The following KCNIP1 variants were observed in gnomAD, a reference collection of about 807,000 sequenced individuals.
KCNIP1 encodes the protein potassium voltage-gated channel interacting protein 1, also known as A-type potassium channel modulatory protein KCNIP1.
In KCNIP1, 18 loss-of-function variants were observed where a neutral mutation model predicts 33.0. The observed-to-expected ratio is 0.55, with a 90% CI of 0.38 to 0.81. KCNIP1 has a LOEUF of 0.81. KCNIP1 is among the 30% of genes least tolerant of loss of function. KCNIP1 has a pLI of 0.00. For missense variants in KCNIP1, 238 were observed against 271.6 expected, an observed-to-expected ratio of 0.88 and a Z score of 0.87; for synonymous variants, 93 against 98.3, an observed-to-expected ratio of 0.95 and a Z score of 0.32.
chr5:170,706,855 C>A (rs1055239659), intron 1 of KCNIP1, among the ~76,000 whole-genome samples: 2 of 152,096 alleles, frequency 1.3e-5, no homozygotes, highest in Admixed American at 1.3e-4. Flanking sequence ...AAATCCCACC[C>A]GTGTTAATCC....
At chr5:170,542,490 A>G (rs1216525835) in intron 1 of KCNIP1, among the ~76,000 whole-genome samples, 7 of 152,220 alleles carry the variant, frequency 4.6e-5, no homozygotes, top group Non-Finnish European at 1.0e-4. Flanking sequence ...TCAACCCTGC[A>G]TGGAAAAGAA....
At chr5:170,642,600 T>C (rs983309844) in intron 1 of KCNIP1, among the ~76,000 whole-genome samples, 10 of 152,146 alleles carry the variant, frequency 6.6e-5, no homozygotes, top group Admixed American at 3.9e-4. Flanking sequence ...CCATGCCCCA[T>C]AGCCGGGAGT....
intron 1 of KCNIP1, among the ~76,000 whole-genome samples, chr5:170,600,223 G>A (rs769487748): frequency 2.0e-5 from 3 of 148,932 alleles, no homozygotes; most frequent in South Asian, 2.1e-4. Context: ...TACTTAAGTC[G>A]ACCAGCCCTG....
intron 1 of KCNIP1, among the ~76,000 whole-genome samples, chr5:170,411,185 T>C (rs1328187523): frequency 1.3e-5 from 2 of 152,230 alleles, no homozygotes; most frequent in Admixed American, 1.3e-4. Flanking sequence ...TGCATGGACC[T>C]GGCCAGGTGC....
At chr5:170,474,826 G>T (rs1235800299) in intron 1 of KCNIP1, among the ~76,000 whole-genome samples, 3 of 152,174 alleles carry the variant, frequency 2.0e-5, no homozygotes, top group Admixed American at 2.0e-4. Flanking sequence ...CTCAAAGGTG[G>T]CAAGGACCCA....
intron 1 of KCNIP1, among the ~76,000 whole-genome samples, chr5:170,660,694 C>G (rs1761450268): frequency 6.6e-6 from 1 of 152,234 alleles, no homozygotes; most frequent in Admixed American, 6.5e-5. Context: ...CCCCCAGAGT[C>G]CCACCAAGGT....
At chr5:170,502,271 C>T (rs115976671), upstream of KCNIP1, among the ~76,000 whole-genome samples, 1 of 152,300 alleles carries the variant, frequency 6.6e-6, no homozygotes, top group Non-Finnish European at 1.5e-5. Context: ...AGTGCCCCTC[C>T]CCTGTTGCAC....
chr5:170,569,058 T>C (rs1757303698), intron 1 of KCNIP1, among the ~76,000 whole-genome samples: 1 of 152,148 alleles, frequency 6.6e-6, no homozygotes, highest in Non-Finnish European at 1.5e-5. Context: ...GGCTTTGGTG[T>C]CTCTCTTCCC....
Position 170,504,020 on chromosome 5 carries a change from G to A in KCNIP1, c.-553G>A. 6.2e-6 allele frequency: 6 copies of A among 967,188 alleles called. No individual in the cohort carries two copies. Among genetic ancestry groups the A allele is most frequent in the East Asian group, 1.2e-4 (1 of 8,636 alleles). The allele number at this position is 967,188 out of a possible 1,614,324, so 59.9% of individuals were successfully genotyped here. The stretch of plus-strand genomic sequence containing the variant: ...CCTCCGCCGCCCCCTCCGCCGCTCC[G>A]ACTCTCGCCCCGAGCGCTGGCAGCA... On this transcript the variant is annotated 5_prime_UTR_variant, in exon 1 of 8. Coordinates refer to ENST00000328939, the MANE Select transcript of KCNIP1 (RefSeq NM_014592.4). This position sits in a 1 kb window ranked among gnomAD's most constrained non-coding sequence, Gnocchi z 6.0.
chr5:170,462,853 G>A (rs1756535382), intron 1 of KCNIP1, among the ~76,000 whole-genome samples: 1 of 152,172 alleles, frequency 6.6e-6, no homozygotes, highest in African/African-American at 2.4e-5. Flanking sequence ...ATTATTCTAA[G>A]TGAAGTAACT....
chr5:170,545,149 G>A (rs2113392819), intron 1 of KCNIP1, among the ~76,000 whole-genome samples: 1 of 152,236 alleles, frequency 6.6e-6, no homozygotes, highest in East Asian at 1.9e-4. Context: ...TTTTTGCTGT[G>A]TATATAACAC....
At chr5:170,498,756 A>G (rs1757356691) in intron 1 of KCNIP1, among the ~76,000 whole-genome samples, 1 of 152,240 alleles carries the variant, frequency 6.6e-6, no homozygotes, top group Non-Finnish European at 1.5e-5. Context: ...GGACATTTGC[A>G]GAGTGCTCTA....
chr5:170,597,789 ATAT>A (rs1561708572), intron 1 of KCNIP1, among the ~76,000 whole-genome samples: 23 of 2,278 alleles, frequency 0.01, no homozygotes, highest in African/African-American at 0.012. Context: ...AGATAAATAT[ATAT>A]ATATATATAT....
rs112300478 is a variant in KCNIP1 at position 170,706,212 on chromosome 5, G to T, written c.62-12546G>T. Among the ~76,000 whole-genome samples the T allele has an allele frequency of 9.5e-3, 1,444 of 152,344 alleles. 13 individuals carry two copies. The highest frequency in any genetic ancestry group is 0.016 in the Non-Finnish European group (1,067 of 68,034). On this transcript the variant is annotated intron_variant, in intron 1 of 7. Coordinates refer to ENST00000328939, the MANE Select transcript of KCNIP1 (RefSeq NM_014592.4). ...TGTTCACACGAACAACAAAGAAGGG[G>T]TTTATTAGTGTGGATTACAGGGCCT... is the stretch of plus-strand genomic sequence containing the variant.
At chr5:170,503,205 C>A (rs1490162501), upstream of KCNIP1, among the ~76,000 whole-genome samples, 1 of 152,048 alleles carries the variant, frequency 6.6e-6, no homozygotes, top group African/African-American at 2.4e-5. Flanking sequence ...GCCAGCCCAA[C>A]ATGGCGAAAC....
chr5:170,390,534 A>ATT (rs1486235751), intron 1 of KCNIP1, among the ~76,000 whole-genome samples: 15 of 135,718 alleles, frequency 1.1e-4, no homozygotes, highest in African/African-American at 4.3e-4. Context: ...ATATATATAT[A>ATT]TATATTTTCA....
chr5:170,658,802 C>T (rs942960140), intron 1 of KCNIP1, among the ~76,000 whole-genome samples: 7 of 152,148 alleles, frequency 4.6e-5, no homozygotes, highest in Admixed American at 3.9e-4. Flanking sequence ...GCATTTGAGA[C>T]GGTCACTGCA....
intron 1 of KCNIP1, among the ~76,000 whole-genome samples, chr5:170,445,402 C>G (rs1028371779): frequency 6.6e-6 from 1 of 152,236 alleles, no homozygotes; most frequent in African/African-American, 2.4e-5. Context: ...AAGACTTGGA[C>G]AGTGCCTGCC....
At chr5:170,400,449 C>T (rs955661496) in intron 1 of KCNIP1, among the ~76,000 whole-genome samples, 1 of 152,122 alleles carries the variant, frequency 6.6e-6, no homozygotes, top group African/African-American at 2.4e-5. Context: ...GGAGACTTCC[C>T]CCATGATCCA....
Sources: gnomAD v4.1 joint callset for allele counts (sites outside exome capture counted in the v4.1 genomes callset) on GRCh38, gnomAD v4.1.1 for gene constraint, Gnocchi (gnomAD v3.1) non-coding constraint, MANE v1.5 for transcripts, NCBI Gene and HGNC (gene_info 2026-07-23, HGNC 2026-07-21) for gene names.